The following ABCB1 variants were observed in gnomAD, a reference collection of about 807,000 sequenced individuals.
ABCB1 encodes the protein ATP-dependent translocase ABCB1.
ABCB1 carries 69 observed loss-of-function variants against 142.0 expected under a neutral mutation model. The ratio of observed to expected loss-of-function variants is 0.49; its 90% CI spans 0.40 to 0.59. The LOEUF is 0.59. Ranked by LOEUF, ABCB1 falls within the 20% of genes least tolerant of loss-of-function variation. The pLI is 0.00. For synonymous variants in ABCB1, 532 were observed against 539.2 expected, an observed-to-expected ratio of 0.99 and a Z score of 0.18; for missense variants, 1,326 against 1,554.7, an observed-to-expected ratio of 0.85 and a Z score of 2.47.
chr7:87,666,477 G>A (rs1051545566), intron 1 of ABCB1, among the ~76,000 whole-genome samples: 1 of 152,274 alleles, frequency 6.6e-6, no homozygotes, highest in East Asian at 1.9e-4. Context: ...TTGCTGCACA[G>A]AAGCTCTTAA....
At chr7:87,505,600 T>C (rs28401821) in intron 27 of ABCB1, among the ~76,000 whole-genome samples, 120 of 152,352 alleles carry the variant, frequency 7.9e-4, no homozygotes, top group African/African-American at 2.6e-3. Context: ...CTTTTCCTTA[T>C]GGTTGCTGAA....
intron 1 of ABCB1, among the ~76,000 whole-genome samples, chr7:87,628,256 G>T (rs940966283): frequency 1.3e-5 from 2 of 152,200 alleles, no homozygotes; most frequent in Non-Finnish European, 2.9e-5. Flanking sequence ...CCCACGCGTC[G>T]GGGCGGGGCT....
At chr7:87,565,664 G>A (rs565989738) in intron 7 of ABCB1, among the ~76,000 whole-genome samples, 19 of 151,086 alleles carry the variant, frequency 1.3e-4, no homozygotes, top group African/African-American at 3.6e-4. Flanking sequence ...AATTGAATGG[G>A]ACATCTGTAG....
At chr7:87,594,818 C>G (rs1487555661) in intron 3 of ABCB1, among the ~76,000 whole-genome samples, 1 of 152,096 alleles carries the variant, frequency 6.6e-6, no homozygotes, top group Non-Finnish European at 1.5e-5. Flanking sequence ...TTTTCCCTAC[C>G]TACAACTATT....
At chr7:87,709,846 C>T (rs556182611) in intron 1 of ABCB1, among the ~76,000 whole-genome samples, 39 of 152,242 alleles carry the variant, frequency 2.6e-4, no homozygotes, top group Non-Finnish European at 3.1e-4. Context: ...GAAGTTCTTA[C>T]TACAAATATG....
chr7:87,659,278 CT>C (rs1157378123), intron 1 of ABCB1: 6 of 402,310 alleles, frequency 1.5e-5, no homozygotes, highest in Admixed American at 1.1e-4. Flanking sequence ...TTTGTTCCCC[CT>C]GTTCTTGGTT....
intron 7 of ABCB1, 74 bp from the exon 8 acceptor site, chr7:87,561,461 A>G: frequency 1.4e-6 from 2 of 1,422,690 alleles, no homozygotes; most frequent in Admixed American, 3.9e-5. Flanking sequence ...AAATAAATGT[A>G]TACATAAATG....
At chr7:87,634,524 G>T (rs1821564802) in intron 1 of ABCB1, among the ~76,000 whole-genome samples, 1 of 151,142 alleles carries the variant, frequency 6.6e-6, no homozygotes. Flanking sequence ...ATTCCAGCGG[G>T]AGGCTGAGAC....
chr7:87,658,904 T>TAAAA (rs1409982123), intron 1 of ABCB1, among the ~76,000 whole-genome samples: 3 of 152,168 alleles, frequency 2.0e-5, no homozygotes, highest in Non-Finnish European at 4.4e-5. Context: ...GAAAGAACTT[T>TAAAA]AGGCTGGGAG....
chr7:87,544,726 A>T, intron 16 of ABCB1, 97 bp downstream of exon 16: 1 of 1,208,480 alleles, frequency 8.3e-7, no homozygotes, highest in Non-Finnish European at 1.2e-6. Context: ...GATTCTGGAT[A>T]ACCTCTCTTG....
intron 1 of ABCB1, among the ~76,000 whole-genome samples, chr7:87,689,515 A>G (rs976386398): frequency 1.1e-4 from 16 of 152,148 alleles, no homozygotes; most frequent in African/African-American, 3.9e-4. Context: ...TTATTGTGCT[A>G]ATATTACTTT....
intron 9 of ABCB1, among the ~76,000 whole-genome samples, chr7:87,551,889 A>G (rs531600305): frequency 4.3e-4 from 65 of 152,224 alleles, no homozygotes; most frequent in Admixed American, 3.0e-3. Context: ...AATAAATGCT[A>G]GCAGAGGAGT....
chr7:87,530,413 G>T (rs1815983966), intron 21 of ABCB1, among the ~76,000 whole-genome samples: 1 of 152,072 alleles, frequency 6.6e-6, no homozygotes, highest in African/African-American at 2.4e-5. Context: ...AGACCTATCA[G>T]CTCTAAAGTC....
At chr7:87,517,101 TAAAAC>T (rs955596298) in intron 23 of ABCB1, among the ~76,000 whole-genome samples, 7 of 152,134 alleles carry the variant, frequency 4.6e-5, no homozygotes, top group East Asian at 1.9e-4. Flanking sequence ...ATGTTAAAAA[TAAAAC>T]AAACACATTT....
chr7:87,570,294 G>T lies in ABCB1; in HGVS notation c.287-71C>A, dbSNP rs984708286. 4.4e-6 allele frequency: 6 copies of T among 1,375,146 alleles called. No individual in the cohort carries two copies. The African/African-American group carries it at 7.2e-5, about 16-fold the overall frequency. The allele number at this position is 1,375,146 out of a possible 1,614,324, so 85.2% of individuals were successfully genotyped here. ...CCATTAAAAATAAACATGTAAAAATGAATCAAACTCATTTCATTTAATGAT... is the reference window on the plus strand; with the variant it reads ...CCATTAAAAATAAACATGTAAAAATTAATCAAACTCATTTCATTTAATGAT... On this transcript the variant is annotated intron_variant, in intron 4 of 27. Coordinates refer to ENST00000622132, the MANE Select transcript of ABCB1 (RefSeq NM_001348946.2).
chr7:87,671,449 G>T (rs939015877), intron 1 of ABCB1, among the ~76,000 whole-genome samples: 3 of 152,134 alleles, frequency 2.0e-5, no homozygotes, highest in African/African-American at 7.2e-5. Context: ...CTGAGAATGG[G>T]CACCTACTTA....
At chr7:87,606,303 T>C (rs1264593353) in intron 1 of ABCB1, among the ~76,000 whole-genome samples, 3 of 152,054 alleles carry the variant, frequency 2.0e-5, no homozygotes, top group Non-Finnish European at 4.4e-5. Context: ...TATCACATGC[T>C]CACAAGAGTT....
chr7:87,514,424 C>T (rs952256426), intron 25 of ABCB1, among the ~76,000 whole-genome samples: 12 of 152,186 alleles, frequency 7.9e-5, no homozygotes, highest in African/African-American at 2.9e-4. Context: ...CTGCCAGACA[C>T]TTCCCTCATC....
Position 87,636,002 on chromosome 7 carries a change from C to A in ABCB1, c.-330-34924G>T, listed in dbSNP as rs1188207041. 3.9e-5 allele frequency among the ~76,000 whole-genome samples: 6 copies of A among 152,142 alleles called. No individual in the cohort carries two copies. In the East Asian group the frequency reaches 1.2e-3, roughly 29 times the overall value. ...ATATTTCCATTCTGTCACTGACTGT[C>A]ATCTGAGTTGTTTCTACTTTTTGAC... On this transcript the variant is annotated intron_variant, in intron 1 of 28. Coordinates refer to the ABCB1 transcript ENST00000265724.
Sources: allele counts gnomAD v4.1 joint callset (sites outside exome capture counted in the v4.1 genomes callset), GRCh38; gene constraint gnomAD v4.1.1; transcripts MANE v1.5; gene names NCBI Gene and HGNC (gene_info 2026-07-23, HGNC 2026-07-21).